Variants in ENOX1 observed in about 807,000 individuals in gnomAD.
ENOX1 encodes ecto-NOX disulfide-thiol exchanger 1.
A neutral mutation model predicts 82.5 loss-of-function variants in ENOX1; 42 were observed. That is an observed-to-expected ratio of 0.51 (90% CI 0.40 to 0.66). The LOEUF (loss-of-function observed/expected upper bound fraction) is 0.66, where lower values mean the gene tolerates loss of function less well. Among genes scored for constraint, ENOX1 ranks in the 30% least tolerant of loss-of-function variants. The probability of loss-of-function intolerance (pLI) is 0.00; values close to 1 mark genes in which losing one functional copy is unlikely to be tolerated. For missense variants in ENOX1, 608 were observed against 811.6 expected (o/e 0.75, Z 3.05); for synonymous variants, 271 against 282.2 (o/e 0.96, Z 0.40).
chr13:43,731,126 A>C (rs1442638183), intron 1 of ENOX1, among the ~76,000 whole-genome samples: 1 of 152,206 alleles, frequency 6.6e-6, no homozygotes, highest in East Asian at 1.9e-4. Context: ...AGACCCACTA[A>C]GGCCACCTTC....
At chr13:43,645,407 C>G (rs1420341609) in intron 2 of ENOX1, among the ~76,000 whole-genome samples, 1 of 152,152 alleles carries the variant, frequency 6.6e-6, no homozygotes, top group Non-Finnish European at 1.5e-5. Context: ...GATCCTGCCA[C>G]CAGAGCCTAC....
intron 11 of ENOX1, among the ~76,000 whole-genome samples, chr13:43,311,700 C>T (rs1195654609): frequency 6.6e-6 from 1 of 152,212 alleles, no homozygotes; most frequent in African/African-American, 2.4e-5. Context: ...AAGTCAGTGT[C>T]TCAGTCTTTC....
chr13:43,511,494 T>C (rs2077367027), intron 2 of ENOX1, among the ~76,000 whole-genome samples: 2 of 152,152 alleles, frequency 1.3e-5, no homozygotes, highest in Non-Finnish European at 2.9e-5. Flanking sequence ...CAGATTGACC[T>C]GAAATGCTCT....
chr13:43,236,606 G>T, intron 15 of ENOX1, 30 bp downstream of exon 15: 1 of 1,349,752 alleles, frequency 7.4e-7, no homozygotes, highest in Non-Finnish European at 1.0e-6. Flanking sequence ...TTATTTAAGA[G>T]AACAGATGAA....
chr13:43,379,812 G>A (rs939666806), intron 5 of ENOX1, among the ~76,000 whole-genome samples: 2 of 151,606 alleles, frequency 1.3e-5, no homozygotes, highest in African/African-American at 2.4e-5. Context: ...TAAGAAACTC[G>A]AGAATAGAAG....
At chr13:43,385,750 A>G (rs188550470) in intron 5 of ENOX1, among the ~76,000 whole-genome samples, 26 of 152,356 alleles carry the variant, frequency 1.7e-4, no homozygotes, top group Admixed American at 6.5e-4. Context: ...TTTGTAGAAA[A>G]AGAAATTGGA....
At chr13:43,775,203 T>C (rs1951846879) in intron 1 of ENOX1, among the ~76,000 whole-genome samples, 1 of 152,112 alleles carries the variant, frequency 6.6e-6, no homozygotes, top group Non-Finnish European at 1.5e-5. Flanking sequence ...GGCTGGAGTA[T>C]AATGGCATGA....
intron 5 of ENOX1, among the ~76,000 whole-genome samples, chr13:43,365,757 C>T (rs1242641404): frequency 2.6e-5 from 4 of 152,226 alleles, no homozygotes; most frequent in Non-Finnish European, 4.4e-5. Flanking sequence ...GCACAGGTCA[C>T]AGCCTGACCA....
At chr13:43,558,016 A>G (rs2079517217) in intron 2 of ENOX1, among the ~76,000 whole-genome samples, 1 of 152,146 alleles carries the variant, frequency 6.6e-6, no homozygotes, top group Admixed American at 6.5e-5. Flanking sequence ...CCACTGAGGG[A>G]AATCACAAGA....
At chr13:43,447,977 C>T (rs909127145) in intron 3 of ENOX1, among the ~76,000 whole-genome samples, 3 of 152,170 alleles carry the variant, frequency 2.0e-5, no homozygotes, top group Non-Finnish European at 4.4e-5. Context: ...AGCCGTGGTT[C>T]CTGACAATCA....
chr13:43,662,755 A>T (rs2153786459), intron 2 of ENOX1, among the ~76,000 whole-genome samples: 1 of 152,320 alleles, frequency 6.6e-6, no homozygotes, highest in East Asian at 1.9e-4. Context: ...TAATAAATGC[A>T]AGAAGCTGCA....
intron 14 of ENOX1, among the ~76,000 whole-genome samples, chr13:43,256,921 A>G (rs1229494744): frequency 6.6e-6 from 1 of 152,204 alleles, no homozygotes; most frequent in Admixed American, 6.5e-5. Context: ...TCGTCAGATG[A>G]ATGGATAAAG....
chr13:43,722,604 T>C lies in ENOX1; in HGVS notation c.-284-55060A>G, dbSNP rs370165139. 3.3e-5 allele frequency among the ~76,000 whole-genome samples: 5 copies of C among 152,208 alleles called. No individual in the cohort carries two copies. The East Asian group carries it at 9.6e-4, about 29-fold the overall frequency. Reference sequence around the variant, plus strand: ...CATAATGATGGTGGTAGATATTGTTTATTGGTGCATCCTAAATACCAGACA... The same window carrying C: ...CATAATGATGGTGGTAGATATTGTTCATTGGTGCATCCTAAATACCAGACA... On this transcript the variant is annotated intron_variant, in intron 1 of 16. Coordinates refer to ENST00000690772, the MANE Select transcript of ENOX1 (RefSeq NM_001347969.2).
rs112772754 is a variant in ENOX1, at chr13:43,579,947, T to A, written c.-219+87532A>T. Among the ~76,000 whole-genome samples, 201 of 152,278 alleles carry A rather than the reference T, an allele frequency of 1.3e-3. 1 individual carries two copies. The highest frequency in any genetic ancestry group is 4.4e-3 in the African/African-American group (184 of 41,564). ...AAAGAGTTCAAGGTGTTCTTCCAGA[T>A]GCCCACCAATACAGCCAGCAAGGAG... On this transcript the variant is annotated intron_variant, in intron 2 of 16. Coordinates refer to ENST00000690772, the MANE Select transcript of ENOX1 (RefSeq NM_001347969.2).
At chr13:43,785,656 C>T (rs930049744) in intron 1 of ENOX1, among the ~76,000 whole-genome samples, 3 of 152,198 alleles carry the variant, frequency 2.0e-5, no homozygotes, top group Non-Finnish European at 4.4e-5. Context: ...AGTGGCTATA[C>T]AGTGAGACGC....
chr13:43,248,335 G>C (rs2043258050), intron 14 of ENOX1, among the ~76,000 whole-genome samples: 1 of 152,058 alleles, frequency 6.6e-6, no homozygotes. Flanking sequence ...CCTGGAGTCA[G>C]CTAGAAGTCT....
intron 1 of ENOX1, among the ~76,000 whole-genome samples, chr13:43,751,568 T>G (rs1950322356): frequency 6.6e-6 from 1 of 152,224 alleles, no homozygotes; most frequent in Admixed American, 6.5e-5. Context: ...AGGGAACGAC[T>G]GATCTGCTTT....
At chr13:43,671,270 CAGTT>C (rs1178290473) in intron 1 of ENOX1, among the ~76,000 whole-genome samples, 3 of 152,180 alleles carry the variant, frequency 2.0e-5, no homozygotes, top group Non-Finnish European at 2.9e-5. Flanking sequence ...TAGCCAGTCT[CAGTT>C]AGTATCTTTA....
At chr13:43,488,150 G>GGAGA (rs1365925925) in intron 2 of ENOX1, among the ~76,000 whole-genome samples, 2 of 152,164 alleles carry the variant, frequency 1.3e-5, no homozygotes, top group Admixed American at 6.5e-5. Flanking sequence ...GTCTAATCAA[G>GGAGA]GAGAGTTCTA....
Sources: gnomAD v4.1 joint callset for allele counts (sites outside exome capture counted in the v4.1 genomes callset) on GRCh38, gnomAD v4.1.1 for gene constraint, MANE v1.5 for transcripts, NCBI Gene and HGNC (gene_info 2026-07-23, HGNC 2026-07-21) for gene names.